Variants in MFSD6 observed in about 807,000 individuals in gnomAD.
MFSD6 encodes the protein major facilitator superfamily domain containing 6.
MFSD6 carries 26 observed loss-of-function variants against 56.3 expected under a neutral mutation model. The ratio of observed to expected loss-of-function variants is 0.46; its 90% CI spans 0.34 to 0.64. The LOEUF is 0.64. MFSD6 is among the 30% of genes least tolerant of loss of function. The pLI is 0.01. For synonymous variants in MFSD6, 331 were observed against 366.9 expected (o/e 0.90, Z 1.12); for missense variants, 750 against 986.2 (o/e 0.76, Z 3.21).
At position 190,487,772 on chromosome 2, in the gene MFSD6, ATC is replaced by A. The variant is rs774120153; in HGVS notation, c.1631-880_1631-879del. Among the ~76,000 whole-genome samples, 22 of 152,242 alleles carry A rather than the reference ATC, an allele frequency of 1.4e-4. No homozygotes were observed. The highest frequency in any genetic ancestry group is 2.6e-4 in the Non-Finnish European group (18 of 68,040). On this transcript the variant is annotated intron_variant, in intron 4 of 7. Transcript: ENST00000392328. The surrounding 1 kb of genome is among the most constrained non-coding windows in gnomAD (Gnocchi z 5.5). ...TCTGGCAAGGAGGTGGAGAAATTGG[ATC>A]TCTCATACAGTTCAGGTGGGAATGT...
chr2:190,480,244 TCTAA>T (rs1392842457), intron 4 of MFSD6, among the ~76,000 whole-genome samples: 16 of 152,238 alleles, frequency 1.1e-4, no homozygotes, highest in African/African-American at 3.6e-4. Flanking sequence ...AGTTTTATTG[TCTAA>T]CTTAGTTTAA....
Position 190,423,735 on chromosome 2 carries a change from A to G in MFSD6, c.-54+8322A>G, listed in dbSNP as rs1048176159. 1.3e-5 allele frequency among the ~76,000 whole-genome samples: 2 copies of G among 152,216 alleles called. No individual in the cohort carries two copies. Among genetic ancestry groups the G allele is most frequent in the African/African-American group, 4.8e-5 (2 of 41,456 alleles). On this transcript the variant is annotated intron_variant, in intron 2 of 7. Coordinates refer to ENST00000392328, the MANE Select transcript of MFSD6 (RefSeq NM_017694.4). This position sits in a 1 kb window ranked among gnomAD's most constrained non-coding sequence, Gnocchi z 4.3. Reference sequence around the variant, plus strand: ...GCTAAACTGCTTTCTAGAGTGGTGTACCATTTTAAATCCCCACCCACAGTA... The same window carrying G: ...GCTAAACTGCTTTCTAGAGTGGTGTGCCATTTTAAATCCCCACCCACAGTA...
At chr2:190,440,699 A>G (rs777132401) in intron 3 of MFSD6, among the ~76,000 whole-genome samples, 1 of 152,210 alleles carries the variant, frequency 6.6e-6, no homozygotes, top group Non-Finnish European at 1.5e-5. Context: ...TATTCAATCA[A>G]TCTGTGACTT....
Position 190,487,215 on chromosome 2 carries a change from C to T in MFSD6, c.1631-1442C>T, listed in dbSNP as rs1689064827. On this transcript the variant is annotated intron_variant, in intron 4 of 7. Coordinates refer to ENST00000392328, the MANE Select transcript of MFSD6 (RefSeq NM_017694.4). The surrounding 1 kb of genome is among the most constrained non-coding windows in gnomAD (Gnocchi z 5.5). Reference sequence around the variant, plus strand: ...AATTAGCTGGGGGTGGTGGCGGGCACTTGTAGTCCCAGCTACTTGGGAGGC... The same window carrying T: ...AATTAGCTGGGGGTGGTGGCGGGCATTTGTAGTCCCAGCTACTTGGGAGGC... Among the ~76,000 whole-genome samples, 1 of 152,108 alleles carries T rather than the reference C, an allele frequency of 6.6e-6. No individual in the cohort carries two copies. Among genetic ancestry groups the T allele is most frequent in the Admixed American group, 6.6e-5 (1 of 15,260 alleles).
At position 190,437,197 on chromosome 2, in the gene MFSD6, C is replaced by T. The variant is rs746494289; in HGVS notation, c.1168C>T (p.Arg390Trp). The T allele has an allele frequency of 2.6e-5, 42 of 1,614,092 alleles. No individual in the cohort carries two copies. The highest frequency in any genetic ancestry group is 3.2e-5 in the Non-Finnish European group (38 of 1,180,052). ...TMALIVATQF[R>W]FRYNHFKNDD... ...GGCCTTGATCGTTGCCACTCAGTTC[C>T]GGTTCCGCTACAACCATTTCAAAAA... The change falls in exon 3 of 8, where the codon CGG (arginine) becomes TGG (tryptophan). Residue 390 changes from arginine to tryptophan, a missense_variant. This residue lies in a region of MFSD6 where 376 missense variants were observed against 437.9 expected (regional missense o/e 0.86). Coordinates refer to ENST00000392328, the MANE Select transcript of MFSD6 (RefSeq NM_017694.4). This position sits in a 1 kb window ranked among gnomAD's most constrained non-coding sequence, Gnocchi z 5.9.
rs971229811 is a variant in MFSD6, at chr2:190,431,440, C to T, written c.-53-4537C>T. Among the ~76,000 whole-genome samples, 8 of 152,252 alleles carry T rather than the reference C, an allele frequency of 5.3e-5. No individual in the cohort carries two copies. The highest frequency in any genetic ancestry group is 7.2e-5 in the African/African-American group (3 of 41,466). ...ATTGATCACTGAGTGAACGAGACTC[C>T]GTCTGCAATCCCGGCACCTCTGGAG... On this transcript the variant is annotated intron_variant, in intron 2 of 7. Transcript: ENST00000392328. The surrounding 1 kb of genome is among the most constrained non-coding windows in gnomAD (Gnocchi z 4.4).
At position 190,431,029 on chromosome 2, in the gene MFSD6, G is replaced by C. The variant is rs1286604154; in HGVS notation, c.-53-4948G>C. ...AGACGCTCCTCACCTCCCAGACGGGGTCGCGGCCGGGCAGAGGCGCTCCTC... is the reference window on the plus strand; with the variant it reads ...AGACGCTCCTCACCTCCCAGACGGGCTCGCGGCCGGGCAGAGGCGCTCCTC... On this transcript the variant is annotated intron_variant, in intron 2 of 7. Transcript: ENST00000392328. The surrounding 1 kb of genome is among the most constrained non-coding windows in gnomAD (Gnocchi z 4.4). Among the ~76,000 whole-genome samples, 1 of 114,888 alleles carries C rather than the reference G, an allele frequency of 8.7e-6. No individual in the cohort carries two copies. The highest frequency in any genetic ancestry group is 2.6e-4 in the East Asian group (1 of 3,778). The allele number at this position is 114,888 out of a possible 152,430, so 75.4% of individuals were successfully genotyped here.
chr2:190,460,672 G>A (rs529188242), intron 3 of MFSD6, among the ~76,000 whole-genome samples: 94 of 152,306 alleles, frequency 6.2e-4, no homozygotes, highest in South Asian at 1.2e-3. Flanking sequence ...TGTGAGGAGA[G>A]GCACGTGATG....
At chr2:190,474,696 A>G (rs1211721610) in intron 4 of MFSD6, among the ~76,000 whole-genome samples, 2 of 152,232 alleles carry the variant, frequency 1.3e-5, no homozygotes, top group Non-Finnish European at 2.9e-5. Flanking sequence ...AAAAGAGGGA[A>G]TCCTCCCTAA....
Position 190,448,669 on chromosome 2 carries a change from G to C in MFSD6, c.1532+11108G>C, listed in dbSNP as rs57498485. On this transcript the variant is annotated intron_variant, in intron 3 of 7. Coordinates refer to ENST00000392328, the MANE Select transcript of MFSD6 (RefSeq NM_017694.4). ...ATATATAAAGACATTTAAATTTGTAGAGGAATAATACACTCTAAATTCACA... is the reference window on the plus strand; with the variant it reads ...ATATATAAAGACATTTAAATTTGTACAGGAATAATACACTCTAAATTCACA... Among the ~76,000 whole-genome samples the C allele has an allele frequency of 2.6e-4, 39 of 152,294 alleles. No homozygotes were observed. In the East Asian group the frequency reaches 7.1e-3, roughly 28 times the overall value.
chr2:190,471,342 C>G lies in MFSD6; in HGVS notation c.1630+1487C>G, dbSNP rs969623209. ...GGGTCAGGGAATTCCCTTTCCTAGC[C>G]GAGGAAAGGGGTGAGAGATGGCACC... On this transcript the variant is annotated intron_variant, in intron 4 of 7. Coordinates refer to ENST00000392328, the MANE Select transcript of MFSD6 (RefSeq NM_017694.4). This position sits in a 1 kb window ranked among gnomAD's most constrained non-coding sequence, Gnocchi z 4.7. Among the ~76,000 whole-genome samples, 4 of 152,150 alleles carry G rather than the reference C, an allele frequency of 2.6e-5. No individual in the cohort carries two copies. The highest frequency in any genetic ancestry group is 5.9e-5 in the Non-Finnish European group (4 of 68,018).
rs1689805388 is a variant in MFSD6 at position 190,498,031 on chromosome 2, T to C, written c.2172+312T>C. On this transcript the variant is annotated intron_variant, in intron 7 of 7. Transcript: ENST00000392328. This position sits in a 1 kb window ranked among gnomAD's most constrained non-coding sequence, Gnocchi z 5.9. Reference sequence around the variant, plus strand: ...TATTTGTTTTAAATTTCAGTATTGATGGTTGTCTCTGTAATTCCAAAATTC... The same window carrying C: ...TATTTGTTTTAAATTTCAGTATTGACGGTTGTCTCTGTAATTCCAAAATTC... 4.5e-6 allele frequency: 1 copy of C among 219,850 alleles called. No homozygotes were observed. The highest frequency in any genetic ancestry group is 9.1e-6 in the Non-Finnish European group (1 of 109,702). 13.6% of individuals were successfully genotyped at this position (219,850 alleles called of 1,614,324 possible).
At chr2:190,422,660 C>T (rs976919286) in intron 2 of MFSD6, among the ~76,000 whole-genome samples, 7 of 152,086 alleles carry the variant, frequency 4.6e-5, no homozygotes, top group Non-Finnish European at 7.4e-5. Flanking sequence ...TGTTCTGAAA[C>T]GATGATGTGC....
At chr2:190,455,873 T>C (rs980425602) in intron 3 of MFSD6, among the ~76,000 whole-genome samples, 2 of 144,410 alleles carry the variant, frequency 1.4e-5, no homozygotes, top group Non-Finnish European at 3.0e-5. Flanking sequence ...TTTCTAGCCA[T>C]AAAAGTTCAA....
At chr2:190,453,584 G>A (rs1288472112) in intron 3 of MFSD6, among the ~76,000 whole-genome samples, 1 of 152,212 alleles carries the variant, frequency 6.6e-6, no homozygotes, top group Non-Finnish European at 1.5e-5. Flanking sequence ...GTTGGGAAGA[G>A]ACAAATTCAG....
intron 4 of MFSD6, among the ~76,000 whole-genome samples, chr2:190,483,835 CAAAAAA>C (rs34089229): frequency 1.5e-4 from 13 of 86,660 alleles, no homozygotes; most frequent in East Asian, 8.9e-4. Flanking sequence ...AACTCATTTT[CAAAAAA>C]AAAAAAAAAA....
At chr2:190,480,588 C>T (rs936326260) in intron 4 of MFSD6, among the ~76,000 whole-genome samples, 8 of 152,240 alleles carry the variant, frequency 5.3e-5, no homozygotes, top group Non-Finnish European at 1.0e-4. Context: ...CCTCACCTCA[C>T]TCTATAAGTT....
At chr2:190,419,785 A>G (rs1013725445) in intron 2 of MFSD6, among the ~76,000 whole-genome samples, 1 of 152,268 alleles carries the variant, frequency 6.6e-6, no homozygotes, top group Non-Finnish European at 1.5e-5. Flanking sequence ...TCAATAATTC[A>G]GAAATACCTG....
intron 4 of MFSD6, among the ~76,000 whole-genome samples, chr2:190,479,835 C>T (rs905118065): frequency 7.9e-5 from 12 of 151,842 alleles, no homozygotes; most frequent in Non-Finnish European, 1.2e-4. Context: ...CAGTGGGAGC[C>T]GGGTTAAGAT....
Sources: allele counts gnomAD v4.1 joint callset (sites outside exome capture counted in the v4.1 genomes callset), GRCh38; gene constraint gnomAD v4.1.1; regional missense constraint gnomAD v4.1.1; non-coding constraint Gnocchi (gnomAD v3.1); transcripts MANE v1.5; gene names NCBI Gene and HGNC (gene_info 2026-07-23, HGNC 2026-07-21).